The following P3H1 variants were observed in gnomAD, a reference collection of about 807,000 sequenced individuals.
The protein encoded by P3H1 is growth suppressor 1.
In P3H1, 69 loss-of-function variants were observed where a neutral mutation model predicts 84.0. The ratio of observed to expected loss-of-function variants is 0.82; its 90% CI spans 0.68 to 1.00. The LOEUF is 1.00. Among genes scored for constraint, P3H1 ranks in the 50% least tolerant of loss-of-function variants. P3H1 has a pLI of 0.00. For missense variants in P3H1, 878 were observed against 962.8 expected (o/e 0.91, Z 1.17); for synonymous variants, 366 against 388.8 (o/e 0.94, Z 0.69).
At chr1:42,752,163 G>A (rs1434425899) in intron 10 of P3H1, 111 bp downstream of exon 10, 2 of 881,754 alleles carry the variant, frequency 2.3e-6, no homozygotes, top group Admixed American at 1.8e-5. Flanking sequence ...ATGTTGGCAG[G>A]TGGACCCTCT....
intron 1 of P3H1, among the ~76,000 whole-genome samples, chr1:42,763,541 G>A (rs192657725): frequency 2.6e-5 from 4 of 151,474 alleles, no homozygotes; most frequent in Admixed American, 6.6e-5. Context: ...GCGTTGTGGC[G>A]CACACCCGTA....
intron 10 of P3H1, among the ~76,000 whole-genome samples, chr1:42,750,944 TG>T (rs1172170538): frequency 8.3e-6 from 1 of 120,906 alleles, no homozygotes; most frequent in East Asian, 2.7e-4. Context: ...GGGAGGGTGG[TG>T]GGGGGGTCAG....
chr1:42,752,949 G>C (rs759582556), intron 8 of P3H1, among the ~76,000 whole-genome samples: 2 of 152,094 alleles, frequency 1.3e-5, no homozygotes, highest in Admixed American at 6.6e-5. Context: ...ACATGAGCTC[G>C]GGAACGAGGA....
At chr1:42,760,154 TTG>T (rs1043099466) in intron 2 of P3H1, 1 of 151,614 alleles carries the variant, frequency 6.6e-6, no homozygotes, top group Non-Finnish European at 1.5e-5. Flanking sequence ...CTGGCTAATT[TTG>T]TGTTTTTAGT....
At position 42,750,671 on chromosome 1, in the gene P3H1, C is replaced by A. The variant is rs867918084; in HGVS notation, c.1570-335G>T. Among the ~76,000 whole-genome samples the A allele has an allele frequency of 9.8e-4, 115 of 117,076 alleles. 11 individuals are homozygous for A. Among genetic ancestry groups the A allele is most frequent in the African/African-American group, 3.6e-3 (95 of 26,244 alleles). 76.8% of individuals were successfully genotyped at this position (117,076 alleles called of 152,430 possible). A position where few individuals can be genotyped will look rare whatever the true frequency, so the allele number is the denominator to read the frequency against. On this transcript the variant is annotated intron_variant, in intron 10 of 14. Coordinates refer to ENST00000296388, the MANE Select transcript of P3H1 (RefSeq NM_022356.4). Reference sequence around the variant, plus strand: ...AGGCCGGGGGGGGTGGTCGGCCAGCCGCCCCGTCCGGGAGGGAGGTGGGGG... The same window carrying A: ...AGGCCGGGGGGGGTGGTCGGCCAGCAGCCCCGTCCGGGAGGGAGGTGGGGG...
chr1:42,747,495 T>A, intron 13 of P3H1, 83 bp from the exon 14 acceptor site: 1 of 1,396,108 alleles, frequency 7.2e-7, no homozygotes, highest in Non-Finnish European at 1.0e-6. Flanking sequence ...TCATTAGGGC[T>A]CACGACCGAG....
chr1:42,751,929 A>G (rs984733003), intron 10 of P3H1: 9 of 362,810 alleles, frequency 2.5e-5, no homozygotes, highest in Non-Finnish European at 4.3e-5. Flanking sequence ...CAATACCCCT[A>G]CTATATTCCT....
At chr1:42,749,553 T>C (rs376565116) in intron 11 of P3H1, among the ~76,000 whole-genome samples, 2 of 152,232 alleles carry the variant, frequency 1.3e-5, no homozygotes, top group Non-Finnish European at 2.9e-5. Context: ...TAAAAGAGAA[T>C]CTGCCACATA....
At chr1:42,755,093 C>T in intron 7 of P3H1, 72 bp downstream of exon 7, 1 of 1,612,736 alleles carries the variant, frequency 6.2e-7, no homozygotes, top group East Asian at 2.2e-5. Flanking sequence ...GAGTTCACAT[C>T]TGCCTGGGCT....
intron 2 of P3H1, chr1:42,761,468 A>G (rs1182958706): frequency 6.6e-6 from 1 of 152,260 alleles, no homozygotes; most frequent in Non-Finnish European, 1.5e-5. Flanking sequence ...ATGACCAAAA[A>G]AATGTGACTA....
chr1:42,750,818 G>C (rs1230080434), intron 10 of P3H1, among the ~76,000 whole-genome samples: 1 of 147,368 alleles, frequency 6.8e-6, no homozygotes, highest in Non-Finnish European at 1.5e-5. Flanking sequence ...GGAGGGAGGT[G>C]GGGGGGTCAG....
chr1:42,753,971 C>T (rs1652247789), intron 8 of P3H1, among the ~76,000 whole-genome samples: 1 of 152,040 alleles, frequency 6.6e-6, no homozygotes, highest in African/African-American at 2.4e-5. Flanking sequence ...TCTCAGATGC[C>T]CTCATGGGCA....
Position 42,754,266 on chromosome 1 carries a change from C to T in P3H1, c.1345+603G>A, listed in dbSNP as rs561452933. Among the ~76,000 whole-genome samples the T allele has an allele frequency of 1.1e-4, 17 of 152,196 alleles. No individual in the cohort carries two copies. The South Asian group carries it at 2.5e-3, about 22-fold the overall frequency. On this transcript the variant is annotated intron_variant, in intron 8 of 14. Coordinates refer to ENST00000296388, the MANE Select transcript of P3H1 (RefSeq NM_022356.4). This position sits in a 1 kb window ranked among gnomAD's most constrained non-coding sequence, Gnocchi z 4.0. ...GAAGGAAGCCTGAGGCAATGAAAAACGGAAAAGGCTGGGGAGAGAGCTGAG... is the reference window on the plus strand; with the variant it reads ...GAAGGAAGCCTGAGGCAATGAAAAATGGAAAAGGCTGGGGAGAGAGCTGAG...
At chr1:42,753,198 T>C (rs918977375) in intron 8 of P3H1, among the ~76,000 whole-genome samples, 1 of 152,204 alleles carries the variant, frequency 6.6e-6, no homozygotes, top group Non-Finnish European at 1.5e-5. Context: ...TCATCATCAT[T>C]ATTCATTTAA....
intron 6 of P3H1, 74 bp downstream of exon 6, chr1:42,755,473 TG>T: frequency 1.6e-6 from 2 of 1,288,140 alleles, no homozygotes; most frequent in Non-Finnish European, 2.3e-6. Context: ...AATCGCACAG[TG>T]TTCCCCTCCT....
chr1:42,754,938 T>C lies in P3H1; in HGVS notation c.1276A>G (p.Lys426Glu). 6.2e-7 allele frequency: 1 copy of C among 1,614,182 alleles called. No homozygotes were observed. The highest frequency in any genetic ancestry group is 8.5e-7 in the Non-Finnish European group (1 of 1,180,022). The part of the protein sequence containing the change: ...RISQEIGNLM[K>E]EIETLVEEKT... ...TCTTCCACAAGGGTCTCGATTTCCTTCATAAGGTTCCCAATCTCCTGGGAG... is the reference window on the plus strand; with the variant it reads ...TCTTCCACAAGGGTCTCGATTTCCTCCATAAGGTTCCCAATCTCCTGGGAG... Residue 426 changes from lysine (K) to glutamate (E), a missense_variant, in exon 8 of 15, where the codon AAG (lysine) becomes GAG (glutamate). Lys to Glu is a moderately conservative substitution (Grantham distance 56, BLOSUM62 1). Transcript: ENST00000296388. This position sits in a 1 kb window ranked among gnomAD's most constrained non-coding sequence, Gnocchi z 4.0.
intron 10 of P3H1, among the ~76,000 whole-genome samples, chr1:42,750,830 C>T (rs1399972906): frequency 4.7e-5 from 7 of 150,158 alleles, no homozygotes; most frequent in African/African-American, 1.7e-4. Flanking sequence ...GGGGGTCAGC[C>T]CCCTGCCCGG....
At chr1:42,757,130 G>A (rs1652444329) in intron 5 of P3H1, among the ~76,000 whole-genome samples, 1 of 152,200 alleles carries the variant, frequency 6.6e-6, no homozygotes, top group Non-Finnish European at 1.5e-5. Flanking sequence ...GAGACCGGAA[G>A]TGCCATCTTA....
chr1:42,763,517 C>T lies in P3H1; in HGVS notation c.466-1042G>A, dbSNP rs149517443. On this transcript the variant is annotated intron_variant, in intron 1 of 14. Transcript: ENST00000296388. ...TGAAACCCCGTCTCTACTAAAAATA[C>T]AAAAATTAGCTGGGCGTTGTGGCGC... is the stretch of plus-strand genomic sequence containing the variant. 2.0e-5 allele frequency among the ~76,000 whole-genome samples: 3 copies of T among 151,174 alleles called. No individual in the cohort carries two copies. In the East Asian group the frequency reaches 5.9e-4, roughly 30 times the overall value.
Sources: allele counts gnomAD v4.1 joint callset (sites outside exome capture counted in the v4.1 genomes callset), GRCh38; gene constraint gnomAD v4.1.1; non-coding constraint Gnocchi (gnomAD v3.1); transcripts MANE v1.5; gene names NCBI Gene and HGNC (gene_info 2026-07-23, HGNC 2026-07-21).